TGIF2: variants seen among roughly 807,000 people sequenced by gnomAD.
TGIF2 encodes the protein TGFB induced factor homeobox 2.
In TGIF2, 5 loss-of-function variants were observed where a neutral mutation model predicts 15.1. The observed-to-expected ratio is 0.33, with a 90% CI of 0.17 to 0.70. The LOEUF (loss-of-function observed/expected upper bound fraction) is 0.70, where lower values mean the gene tolerates loss of function less well. TGIF2 is among the 30% of genes least tolerant of loss of function. The pLI, the probability that TGIF2 is intolerant of heterozygous loss-of-function variation, is 0.67. For missense variants in TGIF2, 264 were observed against 302.5 expected (o/e 0.87, Z 0.94); for synonymous variants, 131 against 128.9 (o/e 1.02, Z -0.11).
chr20:36,586,923 A>C (rs574561308), intron 2 of TGIF2, among the ~76,000 whole-genome samples: 2 of 151,886 alleles, frequency 1.3e-5, no homozygotes, highest in South Asian at 2.1e-4. Context: ...TGTTCCTCCC[A>C]CCCCCATTTG....
intron 2 of TGIF2, among the ~76,000 whole-genome samples, chr20:36,585,726 G>T (rs1437982867): frequency 6.6e-6 from 1 of 152,134 alleles, no homozygotes; most frequent in Non-Finnish European, 1.5e-5. Flanking sequence ...AGTTTGTAAA[G>T]GATTTTCACA....
intron 1 of TGIF2, among the ~76,000 whole-genome samples, chr20:36,575,709 T>C (rs1488524761): frequency 6.6e-6 from 1 of 152,104 alleles, no homozygotes; most frequent in African/African-American, 2.4e-5. Context: ...CCAGAGTCTG[T>C]TGGCCGGCCT....
At chr20:36,578,412 CAAAAA>C (rs747225580) in intron 1 of TGIF2, among the ~76,000 whole-genome samples, 1 of 92,314 alleles carries the variant, frequency 1.1e-5, no homozygotes, top group Non-Finnish European at 2.2e-5. Context: ...GAGCCTCTCT[CAAAAA>C]AAAAAAAAAA....
chr20:36,591,136 A>G lies in TGIF2; in HGVS notation c.419A>G (p.Glu140Gly), dbSNP rs755003463. 6.2e-6 allele frequency: 10 copies of G among 1,613,244 alleles called. No homozygotes were observed. The highest frequency in any genetic ancestry group is 1.7e-6 in the Non-Finnish European group (2 of 1,179,518). The change falls in exon 3 of 3, where the codon GAA (glutamate) becomes GGA (glycine). Residue 140 changes from glutamate to glycine, a missense_variant. Glu to Gly is a moderately conservative substitution (Grantham distance 98, BLOSUM62 -2). Coordinates refer to ENST00000373872, the MANE Select transcript of TGIF2 (RefSeq NM_021809.7). This position sits in a 1 kb window ranked among gnomAD's most constrained non-coding sequence, Gnocchi z 5.3. Reference sequence around the variant, plus strand: ...ATGCCGCTTCACTCAGGCCAGGGGGAAAAGCCAGCAGCCCCTTTCCCACGT... The same window carrying G: ...ATGCCGCTTCACTCAGGCCAGGGGGGAAAGCCAGCAGCCCCTTTCCCACGT... Reference protein sequence around the residue: ...CSMPLHSGQGEKPAAPFPRGE... With the variant: ...CSMPLHSGQGGKPAAPFPRGE...
chr20:36,581,264 C>T (rs1445545753), intron 2 of TGIF2, among the ~76,000 whole-genome samples: 1 of 152,226 alleles, frequency 6.6e-6, no homozygotes, highest in Non-Finnish European at 1.5e-5. Flanking sequence ...AGTGTACCTC[C>T]TCAGCATGGA....
intron 2 of TGIF2, among the ~76,000 whole-genome samples, chr20:36,586,466 G>C (rs972680636): frequency 2.0e-5 from 3 of 152,102 alleles, no homozygotes; most frequent in Admixed American, 6.6e-5. Flanking sequence ...AGGCCAAAGC[G>C]GGCAGATCAC....
rs376529806 is a variant in TGIF2, at chr20:36,583,196, C to T, written c.192+4230C>T. On this transcript the variant is annotated intron_variant, in intron 2 of 2. Transcript: ENST00000373872. ...TCAGGAGGCTAAGGTACAAGAGTCA[C>T]TTGAACCAGGAGGACGAGACTGCAG... 4.6e-4 allele frequency among the ~76,000 whole-genome samples: 70 copies of T among 151,954 alleles called. No homozygotes were observed. In the South Asian group the frequency reaches 7.1e-3, roughly 15 times the overall value.
rs397802665 is a variant in TGIF2 at position 36,588,355 on chromosome 20, C to CTTTTTTT, written c.193-2533_193-2527dup. On this transcript the variant is annotated intron_variant, in intron 2 of 2. Coordinates refer to ENST00000373872, the MANE Select transcript of TGIF2 (RefSeq NM_021809.7). ...CCACCTAGCTGTTGAGCCCTTCCTT[C>CTTTTTTT]TTTTTTTTTTTTTTTTTTTTTTTTT... 6.6e-5 allele frequency among the ~76,000 whole-genome samples: 4 copies of CTTTTTTT among 60,428 alleles called. 1 individual carries two copies. The highest frequency in any genetic ancestry group is 5.1e-4 in the Admixed American group (2 of 3,930). 39.6% of individuals were successfully genotyped at this position (60,428 alleles called of 152,430 possible).
chr20:36,575,200 G>C (rs1311126834), intron 1 of TGIF2, among the ~76,000 whole-genome samples: 1 of 151,994 alleles, frequency 6.6e-6, no homozygotes, highest in Non-Finnish European at 1.5e-5. Flanking sequence ...GGGTTTGTAA[G>C]GCTTGAGCGA....
At position 36,593,164 on chromosome 20, in the gene TGIF2, C is replaced by CACA. The variant is rs1159622394; in HGVS notation, c.*1733_*1734insACA. 2 of 152,530 alleles carry CACA rather than the reference C, an allele frequency of 1.3e-5. No homozygotes were observed. Among genetic ancestry groups the CACA allele is most frequent in the African/African-American group, 2.4e-5 (1 of 41,404 alleles). The allele number at this position is 152,530 out of a possible 1,614,324, so 9.4% of individuals were successfully genotyped here. ...TTATTGCTAGCCAAAATATTTTTGT[C>CACA]CTGAGTAGTGTCACTGGGCCAAAAG... On this transcript the variant is annotated 3_prime_UTR_variant, in exon 3 of 3. Coordinates refer to ENST00000373872, the MANE Select transcript of TGIF2 (RefSeq NM_021809.7).
At chr20:36,577,366 ATT>A (rs35988271) in intron 1 of TGIF2, among the ~76,000 whole-genome samples, 209 of 143,412 alleles carry the variant, frequency 1.5e-3, no homozygotes, top group Non-Finnish European at 1.3e-3. Flanking sequence ...CACCTAGCTA[ATT>A]TTTTTTTTTT....
rs867294906 is a variant in TGIF2, at chr20:36,581,721, C to T, written c.192+2755C>T. On this transcript the variant is annotated intron_variant, in intron 2 of 2. Transcript: ENST00000373872. ...TCAGCTCACTGCAACCTCTGCCTCC[C>T]GGGTTCAAGTGATTCTCCTGCCTCA... Among the ~76,000 whole-genome samples the T allele has an allele frequency of 2.0e-5, 3 of 152,180 alleles. No individual in the cohort carries two copies. In the East Asian group the frequency reaches 5.9e-4, roughly 30 times the overall value.
At chr20:36,588,402 G>T (rs2038704411) in intron 2 of TGIF2, among the ~76,000 whole-genome samples, 1 of 96,904 alleles carries the variant, frequency 1.0e-5, no homozygotes, top group African/African-American at 4.1e-5. Flanking sequence ...GTCTTGCTTT[G>T]TCGCGCAGGC....
chr20:36,587,105 T>G (rs1051670844), intron 2 of TGIF2, among the ~76,000 whole-genome samples: 6 of 152,146 alleles, frequency 3.9e-5, no homozygotes, highest in Admixed American at 3.9e-4. Context: ...AAGTCACAGG[T>G]TCTTTTCCTG....
In TGIF2 at chr20:36,591,302, C is replaced by G. The variant is rs140990544; in HGVS notation, c.585C>G (p.Phe195Leu). ...PTPPEQDKEDFSSFQLLVEVA... is the reference protein window; with the variant it reads ...PTPPEQDKEDLSSFQLLVEVA... ...CCCCAGAGCAGGACAAAGAGGACTTCAGCAGCTTCCAGCTGCTGGTGGAGG... is the reference window on the plus strand; with the variant it reads ...CCCCAGAGCAGGACAAAGAGGACTTGAGCAGCTTCCAGCTGCTGGTGGAGG... The change falls in exon 3 of 3, where the codon TTC becomes TTG. Residue 195 changes from phenylalanine to leucine, a missense_variant. Physicochemically the swap from Phe to Leu is conservative, Grantham distance 22. Coordinates refer to ENST00000373872, the MANE Select transcript of TGIF2 (RefSeq NM_021809.7). The surrounding 1 kb of genome is among the most constrained non-coding windows in gnomAD (Gnocchi z 5.3). The G allele has an allele frequency of 6.2e-7, 1 of 1,614,210 alleles. No homozygotes were observed. Among genetic ancestry groups the G allele is most frequent in the African/African-American group, 1.3e-5 (1 of 75,072 alleles).
At chr20:36,584,573 G>T (rs929620582) in intron 2 of TGIF2, among the ~76,000 whole-genome samples, 1 of 151,096 alleles carries the variant, frequency 6.6e-6, no homozygotes, top group African/African-American at 2.4e-5. Flanking sequence ...TTTTGAGACG[G>T]AGTCACTCTG....
In TGIF2 at chr20:36,578,915, A is replaced by G; in HGVS notation, c.141A>G (p.Ser47=). 3.1e-6 allele frequency: 5 copies of G among 1,614,184 alleles called. No homozygotes were observed. Among genetic ancestry groups the G allele is most frequent in the African/African-American group, 1.3e-5 (1 of 75,052 alleles). Residue 47 remains serine, a synonymous_variant, in exon 2 of 3, where the codon TCA becomes TCG. Transcript: ENST00000373872. ...TGCACCGCTACAACGCCTACCCCTC[A>G]GAGCAGGAGAAGCTGAGCCTTTCTG... The part of the protein sequence containing the change: ...LYLHRYNAYP[S]EQEKLSLSGQ...
At chr20:36,579,300 T>G (rs2038496875) in intron 2 of TGIF2, among the ~76,000 whole-genome samples, 1 of 152,052 alleles carries the variant, frequency 6.6e-6, no homozygotes, top group Admixed American at 6.6e-5. Flanking sequence ...GCCTCCCGAC[T>G]AGCTGGGATT....
intron 2 of TGIF2, among the ~76,000 whole-genome samples, chr20:36,583,100 G>A (rs1294294361): frequency 2.6e-5 from 4 of 151,346 alleles, no homozygotes; most frequent in Admixed American, 2.6e-4. Flanking sequence ...TGGTTAACAT[G>A]GTTAACTTCT....
Sources: allele counts gnomAD v4.1 joint callset (sites outside exome capture counted in the v4.1 genomes callset), GRCh38; gene constraint gnomAD v4.1.1; non-coding constraint Gnocchi (gnomAD v3.1); transcripts MANE v1.5; gene names NCBI Gene and HGNC (gene_info 2026-07-23, HGNC 2026-07-21).